The following NRG2 variants were observed in gnomAD, a reference collection of about 807,000 sequenced individuals.
NRG2 encodes neuregulin 2.
In NRG2, 27 loss-of-function variants were observed where a neutral mutation model predicts 73.9. That is an observed-to-expected ratio of 0.37 (90% CI 0.27 to 0.50). The LOEUF (loss-of-function observed/expected upper bound fraction) is 0.50, where lower values mean the gene tolerates loss of function less well. Among genes scored for constraint, NRG2 ranks in the 20% least tolerant of loss-of-function variants. NRG2 has a pLI of 0.96. For synonymous variants in NRG2, 532 were observed against 541.0 expected (o/e 0.98, Z 0.23); for missense variants, 1,126 against 1,210.1 (o/e 0.93, Z 1.03).
intron 1 of NRG2, among the ~76,000 whole-genome samples, chr5:139,997,130 G>A (rs932069347): frequency 6.6e-6 from 1 of 152,110 alleles, no homozygotes; most frequent in Admixed American, 6.5e-5. Flanking sequence ...CAACCAGAAT[G>A]AGATCCTGTG....
At chr5:139,963,607 G>A (rs1280291080) in intron 1 of NRG2, among the ~76,000 whole-genome samples, 3 of 152,192 alleles carry the variant, frequency 2.0e-5, no homozygotes, top group African/African-American at 7.2e-5. Flanking sequence ...CACTTTATAT[G>A]CATTTTCTTA....
At chr5:139,932,872 C>T (rs1561689049) in intron 1 of NRG2, among the ~76,000 whole-genome samples, 1 of 151,864 alleles carries the variant, frequency 6.6e-6, no homozygotes, top group African/African-American at 2.4e-5. Flanking sequence ...GAAAAAGGCT[C>T]AAATAAACTA....
Position 140,042,744 on chromosome 5 carries a change from G to T in NRG2, c.326C>A (p.Ser109Ter). ...PGFSMLLFGV[S>*]LACYSPSLKS... Reference sequence around the variant, plus strand: ...GAGGCTGGGCGAGTAGCAGGCGAGCGACACACCGAAGAGCAGCATGGAGAA... The same window carrying T: ...GAGGCTGGGCGAGTAGCAGGCGAGCTACACACCGAAGAGCAGCATGGAGAA... The change falls in exon 1 of 10, where the codon TCG becomes TAG. Residue 109 changes from serine (S) to a stop codon, truncating the protein, a stop_gained. Transcript: ENST00000361474. LOFTEE classifies it high-confidence loss of function. 6.4e-7 allele frequency: 1 copy of T among 1,558,966 alleles called. No homozygotes were observed.
chr5:139,981,396 T>C (rs1391233557), intron 1 of NRG2, among the ~76,000 whole-genome samples: 2 of 152,202 alleles, frequency 1.3e-5, no homozygotes, highest in Non-Finnish European at 2.9e-5. Flanking sequence ...CCAGCAGCCA[T>C]GGCCCTGGCC....
chr5:139,944,540 T>G (rs1371669153), intron 1 of NRG2, among the ~76,000 whole-genome samples: 1 of 152,198 alleles, frequency 6.6e-6, no homozygotes, highest in Admixed American at 6.5e-5. Context: ...TTATTTCATT[T>G]AACACAATGT....
At chr5:140,022,218 C>T (rs1361163081) in intron 1 of NRG2, among the ~76,000 whole-genome samples, 2 of 152,160 alleles carry the variant, frequency 1.3e-5, no homozygotes, top group African/African-American at 4.8e-5. Flanking sequence ...GCTTTTATGT[C>T]TACCAAGAAT....
At position 139,974,972 on chromosome 5, in the gene NRG2, T is replaced by C. The variant is rs1350031286; in HGVS notation, c.700+67398A>G. On this transcript the variant is annotated intron_variant, in intron 1 of 9. Coordinates refer to ENST00000361474, the MANE Select transcript of NRG2 (RefSeq NM_004883.3). ...CATTTCCTGGTCTGTATGTAGGCCA[T>C]GCGCCCCCTGTGTGGGCTAGCAGCC... 2.0e-5 allele frequency among the ~76,000 whole-genome samples: 3 copies of C among 152,372 alleles called. No individual in the cohort carries two copies. The East Asian group carries it at 5.8e-4, about 29-fold the overall frequency.
intron 2 of NRG2, among the ~76,000 whole-genome samples, chr5:139,881,801 C>T (rs1763542948): frequency 1.3e-5 from 2 of 152,228 alleles, no homozygotes; most frequent in South Asian, 4.1e-4. Context: ...TGAAGCTTTG[C>T]ACCTAGTCCC....
Position 140,039,611 on chromosome 5 carries a change from A to G in NRG2, c.700+2759T>C, listed in dbSNP as rs565027457. Among the ~76,000 whole-genome samples, 7 of 152,304 alleles carry G rather than the reference A, an allele frequency of 4.6e-5. No homozygotes were observed. The South Asian group carries it at 6.2e-4, about 14-fold the overall frequency. On this transcript the variant is annotated intron_variant, in intron 1 of 9. Transcript: ENST00000361474. ...GAGCCATTTATGAGGACTGATAAGA[A>G]GAGGTCCAGTGTGACCTCCTGCATT...
At chr5:139,959,622 C>T (rs1175578321) in intron 1 of NRG2, among the ~76,000 whole-genome samples, 4 of 152,100 alleles carry the variant, frequency 2.6e-5, no homozygotes, top group Non-Finnish European at 4.4e-5. Flanking sequence ...ATCATCCACC[C>T]GCCTCGGCCT....
Position 139,880,844 on chromosome 5 carries a change from G to A in NRG2, c.991+12C>T, listed in dbSNP as rs543508014. The A allele has an allele frequency of 6.2e-7, 1 of 1,610,474 alleles. No individual in the cohort carries two copies. The highest frequency in any genetic ancestry group is 1.1e-5 in the South Asian group (1 of 90,934). The stretch of plus-strand genomic sequence containing the variant: ...CCCTCTAGGACCCTTCCCTCTGTCT[G>A]GGCCCACCTACCGCTGTTGACGTAA... On this transcript the variant is annotated intron_variant, in intron 3 of 9. Coordinates refer to ENST00000361474, the MANE Select transcript of NRG2 (RefSeq NM_004883.3).
intron 1 of NRG2, among the ~76,000 whole-genome samples, chr5:139,973,838 C>G (rs1333661134): frequency 1.3e-5 from 2 of 152,230 alleles, no homozygotes; most frequent in Middle Eastern, 3.4e-3. Flanking sequence ...GCCTCACATA[C>G]TTTTAAATGA....
rs1762642854 is a variant in NRG2, at chr5:139,868,604, G to T, written c.1113-2979C>A. Among the ~76,000 whole-genome samples the T allele has an allele frequency of 6.6e-6, 1 of 152,076 alleles. No individual in the cohort carries two copies. Among genetic ancestry groups the T allele is most frequent in the Admixed American group, 6.5e-5 (1 of 15,276 alleles). On this transcript the variant is annotated intron_variant, in intron 4 of 9. Coordinates refer to ENST00000361474, the MANE Select transcript of NRG2 (RefSeq NM_004883.3). This position sits in a 1 kb window ranked among gnomAD's most constrained non-coding sequence, Gnocchi z 4.2. ...AGAGGAGAGCCCACGGGCTGCATCT[G>T]GGGTGACAGAGAGGTCAGGACCTCT...
At chr5:139,901,113 C>T (rs1290188484) in intron 1 of NRG2, among the ~76,000 whole-genome samples, 1 of 152,198 alleles carries the variant, frequency 6.6e-6, no homozygotes, top group Non-Finnish European at 1.5e-5. Context: ...TTCCCCCAAC[C>T]CAGATGACTC....
intron 2 of NRG2, among the ~76,000 whole-genome samples, chr5:139,885,435 T>A (rs947345699): frequency 1.1e-4 from 17 of 148,896 alleles, no homozygotes; most frequent in African/African-American, 4.2e-4. Flanking sequence ...CATCGAGAGG[T>A]TGGGATGTAA....
chr5:139,938,882 A>G (rs201084369), intron 1 of NRG2, among the ~76,000 whole-genome samples: 637 of 52,538 alleles, frequency 0.012, 3 homozygotes, highest in South Asian at 0.024. Context: ...GAGAGAGAGA[A>G]GGAAAGAAAG....
At chr5:139,919,634 G>C (rs1157244369) in intron 1 of NRG2, among the ~76,000 whole-genome samples, 2 of 152,122 alleles carry the variant, frequency 1.3e-5, no homozygotes, top group South Asian at 2.1e-4. Context: ...GTCTTGAGGA[G>C]CTCACAATTG....
At chr5:139,850,111 C>T (rs1016227691) in intron 9 of NRG2, among the ~76,000 whole-genome samples, 2 of 152,248 alleles carry the variant, frequency 1.3e-5, no homozygotes, top group Non-Finnish European at 2.9e-5. Flanking sequence ...TGCCTCTCCC[C>T]TTCCTACCAC....
intron 1 of NRG2, among the ~76,000 whole-genome samples, chr5:139,891,301 T>C (rs1397331914): frequency 6.6e-6 from 1 of 152,196 alleles, no homozygotes; most frequent in Non-Finnish European, 1.5e-5. Flanking sequence ...ACAGTAGGCA[T>C]GGCCCTAATT....
Sources: allele counts gnomAD v4.1 joint callset (sites outside exome capture counted in the v4.1 genomes callset), GRCh38; gene constraint gnomAD v4.1.1; non-coding constraint Gnocchi (gnomAD v3.1); transcripts MANE v1.5; gene names NCBI Gene and HGNC (gene_info 2026-07-23, HGNC 2026-07-21).